The following C1orf21 variants were observed in gnomAD, a reference collection of about 807,000 sequenced individuals.
The protein encoded by C1orf21 is uncharacterized protein C1orf21.
C1orf21 carries 3 observed loss-of-function variants against 18.7 expected under a neutral mutation model. The observed-to-expected ratio is 0.16, with a 90% CI of 0.07 to 0.42. The LOEUF is 0.42. C1orf21 is among the 10% of genes least tolerant of loss of function. The pLI, the probability that C1orf21 is intolerant of heterozygous loss-of-function variation, is 0.99. For missense variants in C1orf21, 104 were observed against 143.6 expected (o/e 0.72, Z 1.41); for synonymous variants, 41 against 46.4 (o/e 0.88, Z 0.47).
At chr1:184,523,871 T>C (rs549378597) in intron 3 of C1orf21, among the ~76,000 whole-genome samples, 3 of 152,162 alleles carry the variant, frequency 2.0e-5, no homozygotes, top group Admixed American at 6.5e-5. Context: ...AAGCATTCCA[T>C]GAGGATAAAC....
At chr1:184,551,846 A>G (rs910772754) in intron 3 of C1orf21, among the ~76,000 whole-genome samples, 1 of 152,114 alleles carries the variant, frequency 6.6e-6, no homozygotes, top group Non-Finnish European at 1.5e-5. Context: ...ATCTCTACAA[A>G]AAATAAAATT....
intron 3 of C1orf21, among the ~76,000 whole-genome samples, chr1:184,534,851 T>C (rs958474792): frequency 6.6e-5 from 10 of 151,868 alleles, no homozygotes; most frequent in Non-Finnish European, 1.0e-4. Context: ...GCAGAGGTCG[T>C]AAATATGGAA....
chr1:184,608,391 A>G (rs1221877336), intron 5 of C1orf21, among the ~76,000 whole-genome samples: 6 of 152,132 alleles, frequency 3.9e-5, no homozygotes, highest in South Asian at 2.1e-4. Context: ...GGTGGAAGAA[A>G]ACCTTCAGGA....
At chr1:184,591,017 A>C (rs772726979) in intron 4 of C1orf21, among the ~76,000 whole-genome samples, 1 of 152,178 alleles carries the variant, frequency 6.6e-6, no homozygotes, top group East Asian at 1.9e-4. Flanking sequence ...GCACTTCATT[A>C]GGTATTATAA....
intron 2 of C1orf21, among the ~76,000 whole-genome samples, chr1:184,483,318 C>G (rs116354979): frequency 0.012 from 1,798 of 152,276 alleles, 12 homozygotes; most frequent in Non-Finnish European, 0.02. Flanking sequence ...TTCTAGAAGG[C>G]CAAGTGCTTA....
At chr1:184,598,936 G>A (rs1659552574) in intron 5 of C1orf21, among the ~76,000 whole-genome samples, 1 of 152,156 alleles carries the variant, frequency 6.6e-6, no homozygotes, top group South Asian at 2.1e-4. Flanking sequence ...TTTACAGAAG[G>A]AAACAGGCTC....
At chr1:184,424,308 T>C (rs1417726149) in intron 1 of C1orf21, among the ~76,000 whole-genome samples, 1 of 152,170 alleles carries the variant, frequency 6.6e-6, no homozygotes, top group African/African-American at 2.4e-5. Flanking sequence ...TCATTTACAA[T>C]TCATATCTCA....
chr1:184,576,536 C>T (rs1659192007), intron 3 of C1orf21, among the ~76,000 whole-genome samples: 1 of 152,248 alleles, frequency 6.6e-6, no homozygotes, highest in East Asian at 1.9e-4. Context: ...ATTGGCACTG[C>T]CGTGTGCATT....
At chr1:184,478,897 C>T (rs538993856) in intron 2 of C1orf21, among the ~76,000 whole-genome samples, 1 of 152,238 alleles carries the variant, frequency 6.6e-6, no homozygotes, top group South Asian at 2.1e-4. Context: ...ATAATGTTTA[C>T]GTGTAAATAA....
chr1:184,513,058 T>C (rs1361665531), intron 3 of C1orf21, among the ~76,000 whole-genome samples: 2 of 152,216 alleles, frequency 1.3e-5, no homozygotes, highest in African/African-American at 2.4e-5. Flanking sequence ...TCTGATGATC[T>C]GGGTGAAACA....
At chr1:184,474,985 C>CA (rs1328143879) in intron 1 of C1orf21, among the ~76,000 whole-genome samples, 1 of 152,014 alleles carries the variant, frequency 6.6e-6, no homozygotes, top group Non-Finnish European at 1.5e-5. Flanking sequence ...GCAGCAATAA[C>CA]AACAACAACA....
chr1:184,468,385 T>C (rs1045582537), intron 1 of C1orf21, among the ~76,000 whole-genome samples: 16 of 152,140 alleles, frequency 1.1e-4, no homozygotes, highest in Admixed American at 4.6e-4. Context: ...GATAATTTTA[T>C]TTATTTTATT....
chr1:184,605,840 G>C (rs952909900), intron 5 of C1orf21, among the ~76,000 whole-genome samples: 5 of 152,202 alleles, frequency 3.3e-5, no homozygotes, highest in African/African-American at 4.8e-5. Context: ...GTAATTGGTA[G>C]CCTTCATTTT....
chr1:184,518,968 C>T (rs1333042129), intron 3 of C1orf21, among the ~76,000 whole-genome samples: 1 of 152,014 alleles, frequency 6.6e-6, no homozygotes, highest in African/African-American at 2.4e-5. Context: ...GCATGAATAA[C>T]GAAGTGGTTT....
intron 1 of C1orf21, among the ~76,000 whole-genome samples, chr1:184,389,513 A>C (rs1190602934): frequency 6.6e-6 from 1 of 152,244 alleles, no homozygotes; most frequent in Non-Finnish European, 1.5e-5. Context: ...TCTGGGAATT[A>C]ATAGGCCACT....
rs548817138 is a variant in C1orf21 at position 184,433,270 on chromosome 1, A to G, written c.-124-44116A>G. Among the ~76,000 whole-genome samples, 7 of 151,894 alleles carry G rather than the reference A, an allele frequency of 4.6e-5. No individual in the cohort carries two copies. The East Asian group carries it at 5.8e-4, about 13-fold the overall frequency. On this transcript the variant is annotated intron_variant, in intron 1 of 5. Transcript: ENST00000235307. ...CTTTCTTCTTCTCCTCAGAGTGCCA[A>G]CAGTGGCACTGGGGCTCTCTGCTGG... is the stretch of plus-strand genomic sequence containing the variant.
intron 1 of C1orf21, among the ~76,000 whole-genome samples, chr1:184,462,727 G>A (rs74131686): frequency 0.015 from 2,288 of 152,240 alleles, 48 homozygotes; most frequent in African/African-American, 0.051. Context: ...GTAAGAAAAT[G>A]TTATTACAAA....
At chr1:184,576,265 T>C (rs1380031952) in intron 3 of C1orf21, among the ~76,000 whole-genome samples, 1 of 152,120 alleles carries the variant, frequency 6.6e-6, no homozygotes, top group African/African-American at 2.4e-5. Flanking sequence ...GCTGGAATTA[T>C]AGGCATGCGC....
At chr1:184,567,983 G>A (rs1364870214) in intron 3 of C1orf21, 1 of 195,002 alleles carries the variant, frequency 5.1e-6, no homozygotes, top group Admixed American at 5.7e-5. Flanking sequence ...ATGACACCCA[G>A]CTGCACTCCA....
Sources: allele counts gnomAD v4.1 joint callset (sites outside exome capture counted in the v4.1 genomes callset), GRCh38; gene constraint gnomAD v4.1.1; transcripts MANE v1.5; gene names NCBI Gene and HGNC (gene_info 2026-07-23, HGNC 2026-07-21).